Variants in BASP1 observed in about 807,000 individuals in gnomAD.
BASP1 encodes brain acid soluble protein 1.
In BASP1, 1 loss-of-function variant was observed where a neutral mutation model predicts 2.2. The observed-to-expected ratio is 0.46, with a 90% CI of 0.16 to 2.17. BASP1 has a LOEUF of 2.17. BASP1 is among the 30% of genes most tolerant of loss of function. BASP1 has a pLI of 0.27. For synonymous variants in BASP1, 187 were observed against 154.2 expected (o/e 1.21, Z -1.58); for missense variants, 352 against 327.2 (o/e 1.08, Z -0.58).
upstream of BASP1, chr5:17,217,071 T>TGAGAGTGA (rs1554025512): frequency 9.8e-5 from 10 of 102,048 alleles, no homozygotes; most frequent in South Asian, 2.6e-3. Context: ...AGAGAGAGAG[T>TGAGAGTGA]GAGAGAGAGA....
intron 1 of BASP1, among the ~76,000 whole-genome samples, chr5:17,235,863 A>G (rs1213002152): frequency 6.6e-6 from 1 of 152,158 alleles, no homozygotes; most frequent in Non-Finnish European, 1.5e-5. Flanking sequence ...CCTTGGATGT[A>G]GGAACTCTGC....
intron 1 of BASP1, among the ~76,000 whole-genome samples, chr5:17,222,172 C>T (rs1739404960): frequency 1.3e-5 from 2 of 152,160 alleles, no homozygotes; most frequent in Admixed American, 1.3e-4. Context: ...ATGTCTCAAT[C>T]CTAAAGGGGA....
intron 1 of BASP1, among the ~76,000 whole-genome samples, chr5:17,232,645 C>T (rs1029969180): frequency 6.6e-5 from 10 of 152,298 alleles, no homozygotes; most frequent in East Asian, 3.9e-4. Context: ...CATTTCAGAA[C>T]GCTGTCCTTT....
chr5:17,234,176 AT>A (rs1467859174), intron 1 of BASP1, among the ~76,000 whole-genome samples: 1 of 152,162 alleles, frequency 6.6e-6, no homozygotes, highest in Non-Finnish European at 1.5e-5. Context: ...ATACTGGAAA[AT>A]ACAAACAAGC....
At chr5:17,244,648 A>G (rs1177074453) in intron 1 of BASP1, among the ~76,000 whole-genome samples, 1 of 151,804 alleles carries the variant, frequency 6.6e-6, no homozygotes, top group South Asian at 2.1e-4. Flanking sequence ...GAAGGCATTG[A>G]ATATATATTT....
intron 1 of BASP1, among the ~76,000 whole-genome samples, chr5:17,234,045 T>C (rs921537465): frequency 6.6e-6 from 1 of 152,106 alleles, no homozygotes; most frequent in African/African-American, 2.4e-5. Context: ...GCAGTAGAAT[T>C]GCTTCAACCC....
intron 1 of BASP1, among the ~76,000 whole-genome samples, chr5:17,225,235 T>C (rs1739474055): frequency 6.6e-6 from 1 of 151,850 alleles, no homozygotes; most frequent in Non-Finnish European, 1.5e-5. Flanking sequence ...CGTAAAACTT[T>C]TTTTTCTACC....
At chr5:17,230,390 G>T (rs1264608010) in intron 1 of BASP1, among the ~76,000 whole-genome samples, 1 of 151,908 alleles carries the variant, frequency 6.6e-6, no homozygotes, top group Non-Finnish European at 1.5e-5. Flanking sequence ...GTGTGTGTCG[G>T]GAATCATGGA....
At chr5:17,229,157 T>C (rs770211057) in intron 1 of BASP1, among the ~76,000 whole-genome samples, 15 of 152,210 alleles carry the variant, frequency 9.9e-5, no homozygotes, top group Admixed American at 2.0e-4. Context: ...TAACGTGCAC[T>C]GTGGTTAGTG....
At chr5:17,263,819 G>A (rs1360718457) in intron 1 of BASP1, among the ~76,000 whole-genome samples, 1 of 152,168 alleles carries the variant, frequency 6.6e-6, no homozygotes, top group African/African-American at 2.4e-5. Context: ...TGTCTCGAAT[G>A]TTTTCTCTAA....
At chr5:17,262,778 A>C (rs1740341470) in intron 1 of BASP1, among the ~76,000 whole-genome samples, 2 of 151,722 alleles carry the variant, frequency 1.3e-5, no homozygotes, top group South Asian at 4.1e-4. Context: ...TTGCTAGACT[A>C]GGCTCTTCAC....
At position 17,251,930 on chromosome 5, in the gene BASP1, G is replaced by A. The variant is rs1488528651; in HGVS notation, c.-9-23278G>A. Among the ~76,000 whole-genome samples the A allele has an allele frequency of 1.3e-5, 2 of 152,176 alleles. No homozygotes were observed. The highest frequency in any genetic ancestry group is 3.8e-4 in the East Asian group (2 of 5,198). On this transcript the variant is annotated intron_variant, in intron 1 of 1. Transcript: ENST00000322611. This position sits in a 1 kb window ranked among gnomAD's most constrained non-coding sequence, Gnocchi z 4.0. ...AGTCTGAAGCTCAAGAAATAATCTAGTGGGCGCTAGAGTGTAGACAAAGAA... is the reference window on the plus strand; with the variant it reads ...AGTCTGAAGCTCAAGAAATAATCTAATGGGCGCTAGAGTGTAGACAAAGAA...
intron 1 of BASP1, among the ~76,000 whole-genome samples, chr5:17,245,043 C>A (rs1234605704): frequency 6.6e-6 from 1 of 150,744 alleles, no homozygotes; most frequent in Non-Finnish European, 1.5e-5. Context: ...GTGGCTCACG[C>A]CTGTAATCCC....
chr5:17,239,283 C>T (rs963204629), intron 1 of BASP1, among the ~76,000 whole-genome samples: 9 of 151,968 alleles, frequency 5.9e-5, no homozygotes, highest in Admixed American at 2.6e-4. Flanking sequence ...TCAGTAGAGA[C>T]GGGGTTTCAC....
intron 1 of BASP1, among the ~76,000 whole-genome samples, chr5:17,219,878 A>T (rs1303445490): frequency 1.3e-5 from 2 of 152,186 alleles, no homozygotes. Context: ...GTTGGGGTGA[A>T]GCTGGTTGAT....
chr5:17,273,928 A>G (rs181753169), intron 1 of BASP1, among the ~76,000 whole-genome samples: 1 of 152,360 alleles, frequency 6.6e-6, no homozygotes, highest in Admixed American at 6.5e-5. Flanking sequence ...GCAACATTTC[A>G]GTGGATTTTC....
At chr5:17,238,935 G>C (rs1367492268) in intron 1 of BASP1, among the ~76,000 whole-genome samples, 1 of 152,156 alleles carries the variant, frequency 6.6e-6, no homozygotes, top group Non-Finnish European at 1.5e-5. Context: ...CTGATCAACG[G>C]GTAGGAAAGG....
intron 1 of BASP1, among the ~76,000 whole-genome samples, chr5:17,239,419 C>T (rs1305526387): frequency 2.0e-5 from 3 of 152,112 alleles, no homozygotes; most frequent in Non-Finnish European, 2.9e-5. Flanking sequence ...AAAGCCTTGG[C>T]AAATGTGGAA....
chr5:17,243,203 C>T (rs1187068461), intron 1 of BASP1, among the ~76,000 whole-genome samples: 1 of 151,366 alleles, frequency 6.6e-6, no homozygotes, highest in Non-Finnish European at 1.5e-5. Flanking sequence ...GGCTGGAGTG[C>T]AGGGCCGCGA....
Sources: allele counts gnomAD v4.1 joint callset (sites outside exome capture counted in the v4.1 genomes callset), GRCh38; gene constraint gnomAD v4.1.1; non-coding constraint Gnocchi (gnomAD v3.1); transcripts MANE v1.5; gene names NCBI Gene and HGNC (gene_info 2026-07-23, HGNC 2026-07-21).